Variants in CNOT6L observed in about 807,000 individuals in gnomAD.
CNOT6L encodes the protein CCR4-NOT transcription complex subunit 6 like.
Under a neutral mutation model 64.0 loss-of-function variants are expected in CNOT6L, and 7 were observed. The observed-to-expected ratio is 0.11, with a 90% CI of 0.06 to 0.21. The LOEUF is 0.21. Ranked by LOEUF, CNOT6L falls within the 10% of genes least tolerant of loss-of-function variation. CNOT6L has a pLI of 1.00. For synonymous variants in CNOT6L, 193 were observed against 243.4 expected, an observed-to-expected ratio of 0.79 and a Z score of 1.93; for missense variants, 245 against 669.0, an observed-to-expected ratio of 0.37 and a Z score of 6.99.
At chr4:77,726,568 A>T (rs561030016) in intron 10 of CNOT6L, among the ~76,000 whole-genome samples, 199 bp from the exon 11 acceptor site, 89 of 152,324 alleles carry the variant, frequency 5.8e-4, no homozygotes, top group African/African-American at 2.1e-3. Flanking sequence ...CAAATGAATC[A>T]AAGGATGTTT....
chr4:77,742,268 G>C lies in CNOT6L; in HGVS notation c.745C>G (p.Leu249Val), dbSNP rs1365262150. 1.1e-5 allele frequency: 17 copies of C among 1,612,094 alleles called. No homozygotes were observed. Among genetic ancestry groups the C allele is most frequent in the East Asian group, 2.2e-5 (1 of 44,822 alleles). The change falls in exon 8 of 12, where the codon CTC (leucine) becomes GTC (valine). Residue 249 changes from leucine (L) to valine (V), a missense_variant. Around this residue, in one of 10 missense-constraint regions of CNOT6L, gnomAD observed 94 missense variants for 290.9 expected, o/e 0.32. Transcript: ENST00000504123. ...QEVETEQYFT[L>V]FLPALKERGY... Reference sequence around the variant, plus strand: ...CGCTCCTTCAATGCTGGCAGAAAGAGAGTGAAGTATTGCTCTGTTTCCACT... The same window carrying C: ...CGCTCCTTCAATGCTGGCAGAAAGACAGTGAAGTATTGCTCTGTTTCCACT...
intron 1 of CNOT6L, among the ~76,000 whole-genome samples, chr4:77,791,699 T>A (rs776583225): frequency 6.6e-6 from 1 of 152,108 alleles, no homozygotes; most frequent in Non-Finnish European, 1.5e-5. Context: ...TTGAGAAAAA[T>A]TAATCTGATT....
chr4:77,804,568 T>C (rs1449176837), intron 1 of CNOT6L, among the ~76,000 whole-genome samples: 2 of 152,080 alleles, frequency 1.3e-5, no homozygotes, highest in Non-Finnish European at 2.9e-5. Flanking sequence ...AGCAAATCCA[T>C]AGAGACAGAA....
At chr4:77,819,921 C>T (rs1734100917), upstream of CNOT6L, among the ~76,000 whole-genome samples, 1 of 151,266 alleles carries the variant, frequency 6.6e-6, no homozygotes, top group Non-Finnish European at 1.5e-5. Flanking sequence ...AAGAGAGGCC[C>T]CGCGGCCGCG....
chr4:77,764,260 A>T (rs1233757076), intron 4 of CNOT6L, among the ~76,000 whole-genome samples: 1 of 152,238 alleles, frequency 6.6e-6, no homozygotes, highest in South Asian at 2.1e-4. Flanking sequence ...GAATATATAG[A>T]TAATTATATA....
intron 11 of CNOT6L, among the ~76,000 whole-genome samples, chr4:77,724,525 C>T (rs543084948): frequency 3.3e-5 from 5 of 151,332 alleles, no homozygotes; most frequent in Admixed American, 6.6e-5. Flanking sequence ...CTGTAGTCCT[C>T]GCTACCTGGG....
intron 8 of CNOT6L, among the ~76,000 whole-genome samples, chr4:77,733,691 G>A (rs1365450810): frequency 6.6e-6 from 1 of 151,860 alleles, no homozygotes; most frequent in African/African-American, 2.4e-5. Flanking sequence ...GGGAGCATAG[G>A]ACTCTAATTA....
chr4:77,758,054 GA>G (rs1430813561), intron 4 of CNOT6L, among the ~76,000 whole-genome samples: 1 of 152,052 alleles, frequency 6.6e-6, no homozygotes, highest in East Asian at 1.9e-4. Context: ...AGAATACCTT[GA>G]ACTCTTCTAC....
At position 77,773,171 on chromosome 4, in the gene CNOT6L, T is replaced by A. The variant is rs759027011; in HGVS notation, c.315-5A>T. ...TTGTTATTTAAAAGCAATTCCCTGT[T>A]TTAAAAAAAAAAAAAAAATTAGTTT... On this transcript the variant is annotated splice_region_variant and splice_polypyrimidine_tract_variant and intron_variant, in intron 3 of 11. Coordinates refer to ENST00000504123, the MANE Select transcript of CNOT6L (RefSeq NM_144571.3). 27 of 1,530,962 alleles carry A rather than the reference T, an allele frequency of 1.8e-5. No individual in the cohort carries two copies. The Admixed American group carries it at 6.0e-4, about 34-fold the overall frequency. 94.8% of individuals were successfully genotyped at this position (1,530,962 alleles called of 1,614,324 possible). A position where few individuals can be genotyped will look rare whatever the true frequency, so the allele number is the denominator to read the frequency against.
intron 1 of CNOT6L, among the ~76,000 whole-genome samples, chr4:77,808,849 C>T (rs1732569995): frequency 6.6e-6 from 1 of 152,140 alleles, no homozygotes; most frequent in African/African-American, 2.4e-5. Context: ...CTGCCTTCAC[C>T]TGTTTACTAG....
At chr4:77,819,757 G>T (rs1312215426), upstream of CNOT6L, 1 of 149,788 alleles carries the variant, frequency 6.7e-6, no homozygotes, top group Non-Finnish European at 1.5e-5. Context: ...GGCCGGAGGG[G>T]ATGCGGGGCG....
chr4:77,774,913 C>T (rs1410590444), intron 2 of CNOT6L, among the ~76,000 whole-genome samples, 197 bp from the exon 3 acceptor site: 1 of 152,202 alleles, frequency 6.6e-6, no homozygotes, highest in Non-Finnish European at 1.5e-5. Context: ...CCACTTTCAC[C>T]TGACAACCAC....
Position 77,786,006 on chromosome 4 carries a change from T to C in CNOT6L, c.6-9614A>G, listed in dbSNP as rs533845078. On this transcript the variant is annotated intron_variant, in intron 1 of 11. Coordinates refer to ENST00000504123, the MANE Select transcript of CNOT6L (RefSeq NM_144571.3). Reference sequence around the variant, plus strand: ...ATAAATAAGAAATAACATGGCCGGGTGCGGTGGCTCATGCCTGTAATCCCA... The same window carrying C: ...ATAAATAAGAAATAACATGGCCGGGCGCGGTGGCTCATGCCTGTAATCCCA... Among the ~76,000 whole-genome samples the C allele has an allele frequency of 3.3e-5, 5 of 152,112 alleles. No homozygotes were observed. The East Asian group carries it at 9.7e-4, about 29-fold the overall frequency.
chr4:77,805,403 C>T (rs753096161), intron 1 of CNOT6L, among the ~76,000 whole-genome samples: 1 of 152,110 alleles, frequency 6.6e-6, no homozygotes, highest in Non-Finnish European at 1.5e-5. Context: ...TTCCATAAAT[C>T]TCAGGAAACC....
At chr4:77,736,194 C>T (rs1347404227) in intron 8 of CNOT6L, among the ~76,000 whole-genome samples, 1 of 152,152 alleles carries the variant, frequency 6.6e-6, no homozygotes, top group East Asian at 1.9e-4. Flanking sequence ...CACACATTCT[C>T]ACTCAAGTTT....
At chr4:77,796,049 T>C (rs1460833512) in intron 1 of CNOT6L, among the ~76,000 whole-genome samples, 1 of 152,130 alleles carries the variant, frequency 6.6e-6, no homozygotes, top group Non-Finnish European at 1.5e-5. Context: ...TGCAGGCTTG[T>C]TACATGGGTA....
At position 77,719,300 on chromosome 4, in the gene CNOT6L, C is replaced by T. The variant is rs1167227997; in HGVS notation, c.*1131G>A. 1 of 152,538 alleles carries T rather than the reference C, an allele frequency of 6.6e-6. No individual in the cohort carries two copies. Among genetic ancestry groups the T allele is most frequent in the African/African-American group, 2.4e-5 (1 of 41,400 alleles). The allele number at this position is 152,538 out of a possible 1,614,324, so 9.4% of individuals were successfully genotyped here. The stretch of plus-strand genomic sequence containing the variant: ...AGACAACTGAAACAAAGATTAAAAG[C>T]ATATGATGGCCATTTGGCAGCTAGA... On this transcript the variant is annotated 3_prime_UTR_variant, in exon 12 of 12. Coordinates refer to ENST00000504123, the MANE Select transcript of CNOT6L (RefSeq NM_144571.3).
chr4:77,714,323 T>C lies in CNOT6L; in HGVS notation c.*6108A>G, dbSNP rs1295299296. On this transcript the variant is annotated 3_prime_UTR_variant, in exon 12 of 12. Coordinates refer to ENST00000504123, the MANE Select transcript of CNOT6L (RefSeq NM_144571.3). ...AGTAGATTGTCCCATGGACAATTAG[T>C]TGGCACTTGTTATATAGTTGAAAAA... The C allele has an allele frequency of 6.6e-6, 1 of 152,356 alleles. No homozygotes were observed. The highest frequency in any genetic ancestry group is 2.4e-5 in the African/African-American group (1 of 41,354). 9.4% of individuals were successfully genotyped at this position (152,356 alleles called of 1,614,324 possible).
intron 1 of CNOT6L, among the ~76,000 whole-genome samples, chr4:77,818,594 TTCC>T: frequency 6.6e-6 from 1 of 152,168 alleles, no homozygotes; most frequent in East Asian, 1.9e-4. Flanking sequence ...CTGATTCACT[TTCC>T]TCCCTCGGGT....
Sources: allele counts gnomAD v4.1 joint callset (sites outside exome capture counted in the v4.1 genomes callset), GRCh38; gene constraint gnomAD v4.1.1; regional missense constraint gnomAD v4.1.1; transcripts MANE v1.5; gene names NCBI Gene and HGNC (gene_info 2026-07-23, HGNC 2026-07-21).